Variants in SMIM35 observed in about 807,000 individuals in gnomAD.
SMIM35 encodes the protein small integral membrane protein 35.
At chr11:118,051,590 C>A (rs953700095) in intron 1 of SMIM35, among the ~76,000 whole-genome samples, 1 of 152,166 alleles carries the variant, frequency 6.6e-6, no homozygotes, top group Non-Finnish European at 1.5e-5. Flanking sequence ...GAGGTTAAAC[C>A]CAGGCGAGAG....
intron 1 of SMIM35, chr11:118,059,047 C>A (rs1944358023): frequency 6.6e-6 from 1 of 152,290 alleles, no homozygotes; most frequent in South Asian, 2.1e-4. Context: ...TTCCTCCACA[C>A]TTGGGTTTGT....
At chr11:118,018,316 T>A (rs907882137) in intron 1 of SMIM35, among the ~76,000 whole-genome samples, 1 of 152,184 alleles carries the variant, frequency 6.6e-6, no homozygotes, top group African/African-American at 2.4e-5. Context: ...TTTAAAAGGA[T>A]GTCTCTGGCT....
chr11:118,083,487 C>T (rs1231878104), intron 1 of SMIM35, among the ~76,000 whole-genome samples: 1 of 152,214 alleles, frequency 6.6e-6, no homozygotes, highest in Non-Finnish European at 1.5e-5. Context: ...AAAAGTCGCT[C>T]TTTGCTCAGT....
chr11:118,084,878 T>A (rs947529575), intron 1 of SMIM35, among the ~76,000 whole-genome samples: 3 of 152,160 alleles, frequency 2.0e-5, no homozygotes, highest in African/African-American at 2.4e-5. Context: ...CAGAGCTGGA[T>A]TCAGGCCAGT....
chr11:118,021,080 G>A (rs2058226816), intron 1 of SMIM35, among the ~76,000 whole-genome samples: 1 of 134,982 alleles, frequency 7.4e-6, no homozygotes. Context: ...AGATGGACAT[G>A]AGTTATAGAA....
intron 1 of SMIM35, among the ~76,000 whole-genome samples, chr11:118,064,683 G>A (rs1944442592): frequency 6.6e-6 from 1 of 151,282 alleles, no homozygotes; most frequent in Non-Finnish European, 1.5e-5. Flanking sequence ...TCGCTTTGTT[G>A]CCTAGGCTGG....
intron 4 of SMIM35, among the ~76,000 whole-genome samples, chr11:118,007,887 T>C (rs927773948): frequency 6.6e-6 from 1 of 151,638 alleles, no homozygotes; most frequent in Non-Finnish European, 1.5e-5. Flanking sequence ...TTTTTTTTTT[T>C]CTTTTGACAG....
chr11:118,043,775 C>A (rs1944043656), intron 1 of SMIM35, among the ~76,000 whole-genome samples: 1 of 149,348 alleles, frequency 6.7e-6, no homozygotes. Context: ...TGCATTCCAG[C>A]CTGGGCGACA....
intron 1 of SMIM35, among the ~76,000 whole-genome samples, chr11:118,071,007 G>A (rs1185542435): frequency 6.6e-6 from 1 of 152,220 alleles, no homozygotes; most frequent in Non-Finnish European, 1.5e-5. Context: ...CAGCACCCAC[G>A]TTATAGGGTG....
chr11:118,075,039 T>C (rs1193181482), intron 1 of SMIM35, among the ~76,000 whole-genome samples: 1 of 152,192 alleles, frequency 6.6e-6, no homozygotes, highest in Non-Finnish European at 1.5e-5. Context: ...TCTTTCCTGG[T>C]TCATCACCTG....
chr11:118,033,623 A>G (rs2058336404), intron 1 of SMIM35, among the ~76,000 whole-genome samples: 1 of 152,184 alleles, frequency 6.6e-6, no homozygotes, highest in Admixed American at 6.5e-5. Flanking sequence ...GGGTGAACGC[A>G]GATTTTGGGT....
In SMIM35 at chr11:118,004,213, G is replaced by A. The variant is rs977044770; in HGVS notation, c.*2197C>T. Reference sequence around the variant, plus strand: ...CCCAGAGGCTTTACCTCCAAATACCGTCACATTGGGAGTGACAGCTTCAAC... The same window carrying A: ...CCCAGAGGCTTTACCTCCAAATACCATCACATTGGGAGTGACAGCTTCAAC... On this transcript the variant is annotated 3_prime_UTR_variant, in exon 5 of 5. Coordinates refer to ENST00000689828, the MANE Select transcript of SMIM35 (RefSeq NM_001394165.1). The A allele has an allele frequency of 1.3e-5, 2 of 152,158 alleles. No homozygotes were observed. The highest frequency in any genetic ancestry group is 6.5e-5 in the Admixed American group (1 of 15,276). 9.4% of individuals were successfully genotyped at this position (152,158 alleles called of 1,614,324 possible). A position where few individuals can be genotyped will look rare whatever the true frequency, so the allele number is the denominator to read the frequency against.
At chr11:118,026,101 G>T (rs1370792185) in intron 1 of SMIM35, among the ~76,000 whole-genome samples, 1 of 152,206 alleles carries the variant, frequency 6.6e-6, no homozygotes, top group Non-Finnish European at 1.5e-5. Context: ...TCCAATGGTT[G>T]TAGGTGTGCA....
chr11:118,082,066 G>A (rs1945176045), intron 1 of SMIM35, among the ~76,000 whole-genome samples: 1 of 152,166 alleles, frequency 6.6e-6, no homozygotes, highest in Non-Finnish European at 1.5e-5. Flanking sequence ...GTCTTGCCAG[G>A]CTGCTGGGAG....
At chr11:118,026,615 C>G (rs1591282955) in intron 1 of SMIM35, among the ~76,000 whole-genome samples, 1 of 151,952 alleles carries the variant, frequency 6.6e-6, no homozygotes. Context: ...GCACATGAAC[C>G]CTTACCTAGG....
Position 118,005,198 on chromosome 11 carries a change from C to A in SMIM35, c.*1212G>T, listed in dbSNP as rs1384173795. On this transcript the variant is annotated 3_prime_UTR_variant, in exon 5 of 5. Coordinates refer to ENST00000689828, the MANE Select transcript of SMIM35 (RefSeq NM_001394165.1). Reference sequence around the variant, plus strand: ...ACATGGGAGTATTTGTCTTCCTAAGCTGCTCCCCAAGGCCCAGAATTTCTG... The same window carrying A: ...ACATGGGAGTATTTGTCTTCCTAAGATGCTCCCCAAGGCCCAGAATTTCTG... 3 of 152,204 alleles carry A rather than the reference C, an allele frequency of 2.0e-5. No homozygotes were observed. Among genetic ancestry groups the A allele is most frequent in the Admixed American group, 2.0e-4 (3 of 15,280 alleles). 9.4% of individuals were successfully genotyped at this position (152,204 alleles called of 1,614,324 possible). A position where few individuals can be genotyped will look rare whatever the true frequency, so the allele number is the denominator to read the frequency against.
intron 1 of SMIM35, among the ~76,000 whole-genome samples, chr11:118,037,034 G>A (rs1163408106): frequency 6.6e-6 from 1 of 152,192 alleles, no homozygotes; most frequent in African/African-American, 2.4e-5. Context: ...AAAGGTGGAT[G>A]TGGTCACCTT....
chr11:118,015,416 C>T (rs1276257723), intron 2 of SMIM35, among the ~76,000 whole-genome samples: 2 of 152,136 alleles, frequency 1.3e-5, no homozygotes, highest in South Asian at 2.1e-4. Context: ...CCACAGAGAC[C>T]GCTGGCATGG....
intron 4 of SMIM35, among the ~76,000 whole-genome samples, chr11:118,010,008 G>A (rs80044067): frequency 0.015 from 2,355 of 152,240 alleles, 32 homozygotes; most frequent in Non-Finnish European, 0.025. Flanking sequence ...GTGGAACTTG[G>A]GTAAAGCATG....
Sources: allele counts gnomAD v4.1 joint callset (sites outside exome capture counted in the v4.1 genomes callset), GRCh38; gene constraint gnomAD v4.1.1; transcripts MANE v1.5; gene names NCBI Gene and HGNC (gene_info 2026-07-23, HGNC 2026-07-21).